Variants in EDARADD observed in about 807,000 individuals in gnomAD.
EDARADD encodes EDAR associated via death domain, also known as ectodysplasin-A receptor-associated adapter protein.
A neutral mutation model predicts 25.6 loss-of-function variants in EDARADD; 20 were observed. That is an observed-to-expected ratio of 0.78 (90% CI 0.55 to 1.14). The LOEUF is 1.14. Among genes scored for constraint, EDARADD ranks in the 50% most tolerant of loss-of-function variants. The pLI, the probability that EDARADD is intolerant of heterozygous loss-of-function variation, is 0.00. For missense variants in EDARADD, 225 were observed against 270.1 expected, an observed-to-expected ratio of 0.83 and a Z score of 1.17; for synonymous variants, 86 against 94.4, an observed-to-expected ratio of 0.91 and a Z score of 0.52.
chr1:236,430,279 T>G lies in EDARADD; in HGVS notation c.219+2829T>G, dbSNP rs186791374. 1.6e-3 allele frequency among the ~76,000 whole-genome samples: 246 copies of G among 152,348 alleles called. 1 individual carries two copies. The highest frequency in any genetic ancestry group is 5.7e-3 in the African/African-American group (235 of 41,580). ...TGTGCTTACTGAATTTAAACTAGTT[T>G]AGTAAACTGAAAGTATAAATTTGTT... On this transcript the variant is annotated intron_variant, in intron 4 of 5. Coordinates refer to ENST00000334232, the MANE Select transcript of EDARADD (RefSeq NM_145861.4).
Position 236,365,706 on chromosome 1 carries a change from G to GT in EDARADD, c.-6+14871dup, listed in dbSNP as rs201054477. 6.1e-5 allele frequency among the ~76,000 whole-genome samples: 9 copies of GT among 146,798 alleles called. No homozygotes were observed. The East Asian group carries it at 1.8e-3, about 29-fold the overall frequency. On this transcript the variant is annotated intron_variant, in intron 3 of 7. Transcript: ENST00000439430. ...AACTTGTCTGTTCTTCCTCCAAATA[G>GT]TTTTCAGTTGGCCTCCCTCCTTTGG...
At chr1:236,379,705 G>T (rs893354203) in intron 3 of EDARADD, among the ~76,000 whole-genome samples, 4 of 151,888 alleles carry the variant, frequency 2.6e-5, no homozygotes, top group Admixed American at 6.6e-5. Context: ...CTTGAACCCC[G>T]GGGGGTGGAG....
chr1:236,448,605 A>G (rs556887695), intron 4 of EDARADD, among the ~76,000 whole-genome samples: 2 of 152,350 alleles, frequency 1.3e-5, no homozygotes, highest in South Asian at 4.1e-4. Flanking sequence ...TATATGATCT[A>G]TGTGAGGAAA....
At chr1:236,464,144 A>G (rs967968092) in intron 4 of EDARADD, among the ~76,000 whole-genome samples, 1 of 152,148 alleles carries the variant, frequency 6.6e-6, no homozygotes, top group African/African-American at 2.4e-5. Context: ...ACCTGGTATC[A>G]GCCGGCCACC....
At chr1:236,383,072 T>C (rs1667318620) in intron 3 of EDARADD, among the ~76,000 whole-genome samples, 1 of 152,070 alleles carries the variant, frequency 6.6e-6, no homozygotes. Flanking sequence ...TCTGTCTGAG[T>C]GTCCTTTCTC....
At chr1:236,429,223 T>TC (rs1392513507) in intron 4 of EDARADD, among the ~76,000 whole-genome samples, 1 of 96,986 alleles carries the variant, frequency 1.0e-5, no homozygotes, top group Non-Finnish European at 2.7e-5. Context: ...GGAGAGATTT[T>TC]TTTTTTTTTT....
chr1:236,366,741 C>CTCTTTTTTTTTTTTTTTT (rs146073425), intron 3 of EDARADD, among the ~76,000 whole-genome samples: 24 of 144,264 alleles, frequency 1.7e-4, no homozygotes, highest in Non-Finnish European at 2.6e-4. Context: ...TCATCTCTCT[C>CTCTTTTTTTTTTTTTTTT]TTTTTTTTGT....
chr1:236,477,782 A>AT (rs1439707410), intron 5 of EDARADD, among the ~76,000 whole-genome samples: 1 of 151,990 alleles, frequency 6.6e-6, no homozygotes. Flanking sequence ...TTGAAAAGAG[A>AT]TTTTTAAAAC....
intron 3 of EDARADD, among the ~76,000 whole-genome samples, chr1:236,415,512 C>T (rs1163038890): frequency 2.0e-5 from 3 of 152,154 alleles, no homozygotes. Context: ...ATGGCTCAAT[C>T]TTGGCTCACT....
upstream of EDARADD, among the ~76,000 whole-genome samples, chr1:236,391,180 G>C (rs983506569): frequency 4.6e-5 from 7 of 152,064 alleles, no homozygotes; most frequent in African/African-American, 1.7e-4. Context: ...CCACTCAGTG[G>C]CTCACTGTAG....
Position 236,482,793 on chromosome 1 carries a change from T to C in EDARADD, c.*144T>C. On this transcript the variant is annotated 3_prime_UTR_variant, in exon 6 of 6. Coordinates refer to ENST00000334232, the MANE Select transcript of EDARADD (RefSeq NM_145861.4). ...GTTTTCCCCAAAGCTGGCAGTTTTG[T>C]GGAGGGGTAGCTTGTTTCGGTGGTG... is the stretch of plus-strand genomic sequence containing the variant. 8.5e-7 allele frequency: 1 copy of C among 1,171,560 alleles called. No homozygotes were observed. The highest frequency in any genetic ancestry group is 2.0e-5 in the Admixed American group (1 of 50,542). 72.6% of individuals were successfully genotyped at this position (1,171,560 alleles called of 1,614,324 possible). A position where few individuals can be genotyped will look rare whatever the true frequency, so the allele number is the denominator to read the frequency against.
intron 3 of EDARADD, among the ~76,000 whole-genome samples, chr1:236,415,360 G>A (rs1279690829): frequency 6.6e-6 from 1 of 152,186 alleles, no homozygotes; most frequent in African/African-American, 2.4e-5. Flanking sequence ...TTATGCTTTA[G>A]GCATGGTGCA....
chr1:236,440,264 A>G (rs1658365053), intron 4 of EDARADD, among the ~76,000 whole-genome samples: 1 of 152,102 alleles, frequency 6.6e-6, no homozygotes, highest in Admixed American at 6.6e-5. Flanking sequence ...TGTTTTGATT[A>G]CTGTAGCTTT....
At chr1:236,405,789 CT>C (rs71559950) in intron 1 of EDARADD, among the ~76,000 whole-genome samples, 4,065 of 42,782 alleles carry the variant, frequency 0.095, 273 homozygotes, top group African/African-American at 0.17. Context: ...TTCTTTCTTT[CT>C]TTTCTTTTTC....
intron 4 of EDARADD, among the ~76,000 whole-genome samples, chr1:236,463,267 A>AT (rs1399867167): frequency 6.6e-6 from 1 of 152,104 alleles, no homozygotes; most frequent in Admixed American, 6.5e-5. Context: ...CATTTTAAAC[A>AT]TTTTTTTATT....
At chr1:236,459,008 C>T (rs897903337) in intron 4 of EDARADD, among the ~76,000 whole-genome samples, 1 of 152,190 alleles carries the variant, frequency 6.6e-6, no homozygotes, top group Non-Finnish European at 1.5e-5. Flanking sequence ...GGTATTTAGA[C>T]TCAGTAAACT....
intron 4 of EDARADD, among the ~76,000 whole-genome samples, chr1:236,428,731 G>T (rs1451626724): frequency 6.7e-6 from 1 of 148,330 alleles, no homozygotes; most frequent in Non-Finnish European, 1.5e-5. Context: ...TCCCAGACGG[G>T]GTGGCGGCCG....
At chr1:236,384,522 C>T (rs1328354359) in intron 3 of EDARADD, among the ~76,000 whole-genome samples, 1 of 152,078 alleles carries the variant, frequency 6.6e-6, no homozygotes, top group African/African-American at 2.4e-5. Context: ...TCCCAATTAG[C>T]CTGACTACAG....
chr1:236,480,232 C>T, intron 5 of EDARADD, among the ~76,000 whole-genome samples: 1 of 150,482 alleles, frequency 6.6e-6, no homozygotes, highest in East Asian at 2.0e-4. Flanking sequence ...ACATCACAAA[C>T]ATTTTCTAGG....
Sources: gnomAD v4.1 joint callset for allele counts (sites outside exome capture counted in the v4.1 genomes callset) on GRCh38, gnomAD v4.1.1 for gene constraint, MANE v1.5 for transcripts, NCBI Gene and HGNC (gene_info 2026-07-23, HGNC 2026-07-21) for gene names.